The following ZNF317 variants were observed in gnomAD, a reference collection of about 807,000 sequenced individuals.
ZNF317 encodes KRAB-containing zinc finger protein 317.
ZNF317 carries 17 observed loss-of-function variants against 23.4 expected under a neutral mutation model. The observed-to-expected ratio is 0.73, with a 90% CI of 0.50 to 1.09. The LOEUF (loss-of-function observed/expected upper bound fraction) is 1.09. Among genes scored for constraint, ZNF317 ranks in the 50% least tolerant of loss-of-function variants. ZNF317 has a pLI of 0.00. For missense variants in ZNF317, 679 were observed against 796.7 expected, an observed-to-expected ratio of 0.85 and a Z score of 1.78; for synonymous variants, 317 against 314.9, an observed-to-expected ratio of 1.01 and a Z score of -0.07.
At position 9,161,353 on chromosome 19, in the gene ZNF317, C is replaced by G. The variant is rs1483497966; in HGVS notation, c.1708C>G (p.His570Asp). 6.2e-7 allele frequency: 1 copy of G among 1,614,204 alleles called. No homozygotes were observed. The highest frequency in any genetic ancestry group is 8.5e-7 in the Non-Finnish European group (1 of 1,180,036). ...CLVCGKAFSD[H>D]SSLRSHVKTH... ...TGTCTGCGGGAAAGCCTTCAGCGACCACTCATCCCTCAGGAGCCACGTGAA... is the reference window on the plus strand; with the variant it reads ...TGTCTGCGGGAAAGCCTTCAGCGACGACTCATCCCTCAGGAGCCACGTGAA... Residue 570 changes from histidine (H) to aspartate (D), a missense_variant, in exon 7 of 7, where the codon CAC becomes GAC. Physicochemically the swap from His to Asp is moderately conservative, Grantham distance 81. Coordinates refer to ENST00000247956, the MANE Select transcript of ZNF317 (RefSeq NM_020933.5). This position sits in a 1 kb window ranked among gnomAD's most constrained non-coding sequence, Gnocchi z 4.0.
At chr19:9,156,480 G>A in intron 2 of ZNF317, 132 bp from the exon 3 acceptor site, 1 of 1,206,954 alleles carries the variant, frequency 8.3e-7, no homozygotes, top group Admixed American at 2.2e-5. Context: ...AGAGAGGTGG[G>A]GGGAGGAAGA....
At position 9,160,190 on chromosome 19, in the gene ZNF317, C is replaced by T. The variant is rs777398874; in HGVS notation, c.545C>T (p.Thr182Ile). The change falls in exon 7 of 7, where the codon ACT (threonine) becomes ATT (isoleucine). Residue 182 changes from threonine to isoleucine, a missense_variant. Coordinates refer to ENST00000247956, the MANE Select transcript of ZNF317 (RefSeq NM_020933.5). The surrounding 1 kb of genome is among the most constrained non-coding windows in gnomAD (Gnocchi z 6.8). ...FEVFGMDPHL[T>I]QPMGRHAGKR... The stretch of plus-strand genomic sequence containing the variant: ...GTCTTTGGCATGGACCCTCATCTCA[C>T]TCAGCCAATGGGAAGGCACGCTGGC... 4 of 1,614,204 alleles carry T rather than the reference C, an allele frequency of 2.5e-6. No individual in the cohort carries two copies. Among genetic ancestry groups the T allele is most frequent in the Non-Finnish European group, 2.5e-6 (3 of 1,180,042 alleles).
Position 9,160,553 on chromosome 19 carries a change from A to T in ZNF317, c.908A>T (p.Glu303Val). ...LKIHMRVHTGERPYKCDQCGK... is the reference protein window; with the variant it reads ...LKIHMRVHTGVRPYKCDQCGK... ...ATCCACATGCGAGTTCACACTGGCG[A>T]GAGGCCTTACAAGTGTGATCAGTGC... Residue 303 changes from glutamate to valine, a missense_variant, in exon 7 of 7, where the codon GAG becomes GTG. Coordinates refer to ENST00000247956, the MANE Select transcript of ZNF317 (RefSeq NM_020933.5). This position sits in a 1 kb window ranked among gnomAD's most constrained non-coding sequence, Gnocchi z 6.8. 3 of 1,614,176 alleles carry T rather than the reference A, an allele frequency of 1.9e-6. No homozygotes were observed. Among genetic ancestry groups the T allele is most frequent in the Non-Finnish European group, 2.5e-6 (3 of 1,180,022 alleles).
chr19:9,156,748 G>A lies in ZNF317; in HGVS notation c.162G>A (p.Gln54=), dbSNP rs372973359. The A allele has an allele frequency of 2.8e-5, 45 of 1,613,564 alleles. No individual in the cohort carries two copies. In the African/African-American group the frequency reaches 5.5e-4, roughly 20 times the overall value. ...CTCACACACCCAGTGTTGGTTCCCA[G>A]GTGCACTAAGATCTCTGGGTCCCTA... The part of the protein sequence containing the change: ...LEPHTPSVGS[Q]ESVTFQDVAV... Residue 54 remains glutamine, a splice_region_variant and synonymous_variant, in exon 3 of 7, where the codon CAG becomes CAA. Coordinates refer to ENST00000247956, the MANE Select transcript of ZNF317 (RefSeq NM_020933.5).
rs2050858842 is a variant in ZNF317, at chr19:9,161,625, G to A, written c.*192G>A. On this transcript the variant is annotated 3_prime_UTR_variant, in exon 7 of 7. Transcript: ENST00000247956. The surrounding 1 kb of genome is among the most constrained non-coding windows in gnomAD (Gnocchi z 4.0). Reference sequence around the variant, plus strand: ...TAGGAGGTTTGTGAGAACTCACGCCGGGGGTGAAAATGTACGTCTGTAGCA... The same window carrying A: ...TAGGAGGTTTGTGAGAACTCACGCCAGGGGTGAAAATGTACGTCTGTAGCA... 6.7e-6 allele frequency: 5 copies of A among 751,560 alleles called. No homozygotes were observed. Among genetic ancestry groups the A allele is most frequent in the Middle Eastern group, 3.8e-4 (1 of 2,616 alleles). The allele number at this position is 751,560 out of a possible 1,614,324, so 46.6% of individuals were successfully genotyped here.
At chr19:9,152,361 G>T (rs1234638999) in intron 1 of ZNF317, among the ~76,000 whole-genome samples, 2 of 152,190 alleles carry the variant, frequency 1.3e-5, no homozygotes, top group Non-Finnish European at 2.9e-5. Flanking sequence ...CCACAGACAG[G>T]TACCGGTCCC....
At position 9,161,542 on chromosome 19, in the gene ZNF317, G is replaced by T; in HGVS notation, c.*109G>T. 1 of 1,466,126 alleles carries T rather than the reference G, an allele frequency of 6.8e-7. No individual in the cohort carries two copies. The allele number at this position is 1,466,126 out of a possible 1,614,324, so 90.8% of individuals were successfully genotyped here. A position where few individuals can be genotyped will look rare whatever the true frequency, so the allele number is the denominator to read the frequency against. On this transcript the variant is annotated 3_prime_UTR_variant, in exon 7 of 7. Transcript: ENST00000247956. This position sits in a 1 kb window ranked among gnomAD's most constrained non-coding sequence, Gnocchi z 4.0. ...CTTACTGGGTGCAAAAGAATCCACG[G>T]AACTTGGGAGAAGTCCAGTTCCTGT... is the stretch of plus-strand genomic sequence containing the variant.
rs751935113 is a variant in ZNF317, at chr19:9,157,847, A to ACCATTTTGCTGCT, written c.290-130_290-118dup. 2.4e-5 allele frequency: 34 copies of ACCATTTTGCTGCT among 1,403,694 alleles called. No individual in the cohort carries two copies. The Middle Eastern group carries it at 5.6e-4, about 23-fold the overall frequency. The allele number at this position is 1,403,694 out of a possible 1,614,324, so 87.0% of individuals were successfully genotyped here. A position where few individuals can be genotyped will look rare whatever the true frequency, so the allele number is the denominator to read the frequency against. The stretch of plus-strand genomic sequence containing the variant: ...TGTGTTCCTTAGAAATTTTGGCACC[A>ACCATTTTGCTGCT]CCATTTTGCTGCTCCTAAGTCAGAC... On this transcript the variant is annotated intron_variant, in intron 4 of 6. Transcript: ENST00000247956.
chr19:9,149,952 G>T (rs1332877500), intron 1 of ZNF317, among the ~76,000 whole-genome samples: 1 of 152,194 alleles, frequency 6.6e-6, no homozygotes, highest in Non-Finnish European at 1.5e-5. Flanking sequence ...TTTGTATTAA[G>T]TTTTAAAGTT....
In ZNF317 at chr19:9,161,460, G is replaced by C; in HGVS notation, c.*27G>C. On this transcript the variant is annotated 3_prime_UTR_variant, in exon 7 of 7. Coordinates refer to ENST00000247956, the MANE Select transcript of ZNF317 (RefSeq NM_020933.5). This position sits in a 1 kb window ranked among gnomAD's most constrained non-coding sequence, Gnocchi z 4.0. Reference sequence around the variant, plus strand: ...CGCGCCTGCTTTAGAGACACAGGATGATTCAGACCGGAAACAGACCTCGTG... The same window carrying C: ...CGCGCCTGCTTTAGAGACACAGGATCATTCAGACCGGAAACAGACCTCGTG... The C allele has an allele frequency of 6.3e-7, 1 of 1,583,252 alleles. No individual in the cohort carries two copies. Among genetic ancestry groups the C allele is most frequent in the South Asian group, 1.2e-5 (1 of 86,598 alleles).
At chr19:9,148,715 T>C (rs2145945177) in intron 1 of ZNF317, among the ~76,000 whole-genome samples, 2 of 152,292 alleles carry the variant, frequency 1.3e-5, no homozygotes, top group East Asian at 3.9e-4. Flanking sequence ...TCTACTCACC[T>C]GGAATGTATT....
intron 1 of ZNF317, among the ~76,000 whole-genome samples, 172 bp from the exon 2 acceptor site, chr19:9,155,753 C>T (rs1315607589): frequency 6.6e-6 from 1 of 152,190 alleles, no homozygotes; most frequent in Non-Finnish European, 1.5e-5. Context: ...GTCCCCCCAC[C>T]ACATCACCAC....
chr19:9,148,904 G>A (rs1297739992), intron 1 of ZNF317, among the ~76,000 whole-genome samples: 1 of 152,146 alleles, frequency 6.6e-6, no homozygotes, highest in Non-Finnish European at 1.5e-5. Context: ...GTGCTTCAGG[G>A]TCAAAATATA....
At chr19:9,151,330 A>G (rs946662669) in intron 1 of ZNF317, among the ~76,000 whole-genome samples, 1 of 152,232 alleles carries the variant, frequency 6.6e-6, no homozygotes. Context: ...TTTATACGTT[A>G]AAACACACTT....
rs2050841143 is a variant in ZNF317 at position 9,160,681 on chromosome 19, C to A, written c.1036C>A (p.Pro346Thr). The A allele has an allele frequency of 1.2e-6, 2 of 1,613,882 alleles. No homozygotes were observed. The highest frequency in any genetic ancestry group is 1.1e-5 in the South Asian group (1 of 91,082). The change falls in exon 7 of 7, where the codon CCC becomes ACC. Residue 346 changes from proline to threonine, a missense_variant. Transcript: ENST00000247956. The surrounding 1 kb of genome is among the most constrained non-coding windows in gnomAD (Gnocchi z 6.8). The part of the protein sequence containing the change: ...CHDCGKAFQH[P>T]SHLKEHVRNH... ...CGACTGTGGGAAAGCTTTCCAGCAC[C>A]CCTCCCACCTCAAAGAGCACGTGAG...
In ZNF317 at chr19:9,160,297, G is replaced by A. The variant is rs138310051; in HGVS notation, c.652G>A (p.Gly218Arg). Residue 218 changes from glycine (G) to arginine (R), a missense_variant, in exon 7 of 7, where the codon GGG becomes AGG. By Grantham distance (125) the Gly-to-Arg change is moderately radical. Transcript: ENST00000247956. This position sits in a 1 kb window ranked among gnomAD's most constrained non-coding sequence, Gnocchi z 6.8. ...HLTQHMSMYDGRKMHECHQCQ... is the reference protein window; with the variant it reads ...HLTQHMSMYDRRKMHECHQCQ... Reference sequence around the variant, plus strand: ...CACTCAGCACATGAGCATGTACGACGGGAGAAAAATGCATGAATGTCATCA... The same window carrying A: ...CACTCAGCACATGAGCATGTACGACAGGAGAAAAATGCATGAATGTCATCA... 8.7e-6 allele frequency: 14 copies of A among 1,614,064 alleles called. No individual in the cohort carries two copies. In the South Asian group the frequency reaches 8.8e-5, roughly 10 times the overall value.
intron 1 of ZNF317, among the ~76,000 whole-genome samples, chr19:9,145,320 G>C (rs181111593): frequency 1.1e-4 from 16 of 152,124 alleles, no homozygotes; most frequent in East Asian, 1.9e-4. Context: ...ACAGGGTCTT[G>C]GTATGTTGCC....
intron 5 of ZNF317, 47 bp from the exon 6 acceptor site, chr19:9,158,779 C>T: frequency 1.6e-6 from 2 of 1,238,698 alleles, no homozygotes; most frequent in African/African-American, 1.5e-5. Flanking sequence ...ACCATCATCC[C>T]ACCATTTTCC....
At chr19:9,153,389 T>C (rs10424656) in intron 1 of ZNF317, among the ~76,000 whole-genome samples, 14,874 of 152,166 alleles carry the variant, frequency 0.098, 868 homozygotes, top group African/African-American at 0.17. Context: ...TCTCGAACTC[T>C]CGACCTCAGG....
Sources: gnomAD v4.1 joint callset for allele counts (sites outside exome capture counted in the v4.1 genomes callset) on GRCh38, gnomAD v4.1.1 for gene constraint, Gnocchi (gnomAD v3.1) non-coding constraint, MANE v1.5 for transcripts, NCBI Gene and HGNC (gene_info 2026-07-23, HGNC 2026-07-21) for gene names.